The following SLC27A1 variants were observed in gnomAD, a reference collection of about 807,000 sequenced individuals.
SLC27A1 encodes long-chain fatty acid transport protein 1.
Under a neutral mutation model 62.2 loss-of-function variants are expected in SLC27A1, and 61 were observed. That is an observed-to-expected ratio of 0.98 (90% CI 0.80 to 1.21). SLC27A1 has a LOEUF of 1.21. Among genes scored for constraint, SLC27A1 ranks in the 50% most tolerant of loss-of-function variants. SLC27A1 has a pLI of 0.00. For synonymous variants in SLC27A1, 435 were observed against 408.6 expected, an observed-to-expected ratio of 1.06 and a Z score of -0.78; for missense variants, 903 against 932.1, an observed-to-expected ratio of 0.97 and a Z score of 0.41.
chr19:17,477,239 G>GTTT (rs1368216587), intron 1 of SLC27A1, among the ~76,000 whole-genome samples: 2 of 49,056 alleles, frequency 4.1e-5, no homozygotes, highest in African/African-American at 1.6e-4. Context: ...GATGAGCAGC[G>GTTT]CTTTTTTTTT....
At chr19:17,495,638 G>A (rs1345085112) in intron 6 of SLC27A1, 1 of 152,310 alleles carries the variant, frequency 6.6e-6, no homozygotes, top group Non-Finnish European at 1.5e-5. Flanking sequence ...GATTGGCCAG[G>A]TTCTCTCCTA....
chr19:17,469,658 GC>G (rs1477658988), upstream of SLC27A1, among the ~76,000 whole-genome samples: 3 of 152,262 alleles, frequency 2.0e-5, no homozygotes, highest in Non-Finnish European at 2.9e-5. Flanking sequence ...CTGGAAGACG[GC>G]CGGCCTCGGC....
At position 17,500,807 on chromosome 19, in the gene SLC27A1, G is replaced by C. The variant is rs770565930; in HGVS notation, c.1567G>C (p.Glu523Gln). Residue 523 changes from glutamate (E) to glutamine (Q), a missense_variant, in exon 10 of 12, where the codon GAG becomes CAG. Coordinates refer to ENST00000252595, the MANE Select transcript of SLC27A1 (RefSeq NM_198580.3). ...GCGAGGGGAGAACGTCTCCACCACC[G>C]AGGTGGAGGGCGTGCTGAGCCGCCT... is the stretch of plus-strand genomic sequence containing the variant. ...RWRGENVSTT[E>Q]VEGVLSRLLG... is the part of the protein sequence containing the mutation. 8 of 1,611,868 alleles carry C rather than the reference G, an allele frequency of 5.0e-6. No individual in the cohort carries two copies. In the East Asian group the frequency reaches 1.6e-4, roughly 31 times the overall value.
intron 1 of SLC27A1, among the ~76,000 whole-genome samples, chr19:17,471,685 G>T (rs189729735): frequency 6.6e-6 from 1 of 152,230 alleles, no homozygotes; most frequent in Non-Finnish European, 1.5e-5. Context: ...CCATTGTAAG[G>T]AGGGCACAGA....
In SLC27A1 at chr19:17,486,871, A is replaced by G; in HGVS notation, c.476A>G (p.Asn159Ser). The change falls in exon 2 of 12, where the codon AAC becomes AGC. Residue 159 changes from asparagine (N) to serine (S), a missense_variant. Physicochemically the swap from Asn to Ser is conservative, Grantham distance 46. Transcript: ENST00000252595. The surrounding 1 kb of genome is among the most constrained non-coding windows in gnomAD (Gnocchi z 6.6). ...AKAGMEAALL[N>S]VNLRREPLAF... is the part of the protein sequence containing the mutation. ...GCGGGCATGGAGGCCGCGCTGCTCA[A>G]CGTGAACCTGCGGCGCGAGCCCCTG... 6.3e-7 allele frequency: 1 copy of G among 1,587,272 alleles called. No homozygotes were observed. The highest frequency in any genetic ancestry group is 1.7e-4 in the Middle Eastern group (1 of 6,026).
upstream of SLC27A1, among the ~76,000 whole-genome samples, chr19:17,469,255 G>T (rs2075050247): frequency 6.6e-6 from 1 of 152,272 alleles, no homozygotes; most frequent in East Asian, 1.9e-4. Flanking sequence ...AGACCGCGGC[G>T]GTGTTTACAG....
chr19:17,483,111 A>C (rs1177035317), intron 1 of SLC27A1, among the ~76,000 whole-genome samples: 1 of 152,114 alleles, frequency 6.6e-6, no homozygotes, highest in Non-Finnish European at 1.5e-5. Context: ...TGAATGAGGG[A>C]ATGAGGGAAT....
Position 17,500,541 on chromosome 19 carries a change from G to C in SLC27A1, c.1380G>C (p.Leu460=). The C allele has an allele frequency of 6.2e-7, 1 of 1,613,528 alleles. No homozygotes were observed. The highest frequency in any genetic ancestry group is 8.5e-7 in the Non-Finnish European group (1 of 1,179,800). ...LVGQINQQDP[L]RRFDGYVSES... ...GTCAGATCAACCAACAGGACCCGCT[G>C]CGCCGCTTCGATGGCTATGTCAGCG... The change falls in exon 9 of 12, where the codon CTG becomes CTC. Residue 460 remains leucine, a synonymous_variant. Transcript: ENST00000252595.
chr19:17,504,537 C>T lies in SLC27A1; in HGVS notation c.1866C>T (p.Asp622=). 6.2e-7 allele frequency: 1 copy of T among 1,614,224 alleles called. No homozygotes were observed. The highest frequency in any genetic ancestry group is 8.5e-7 in the Non-Finnish European group (1 of 1,180,036). ...RQTSDRLFFL[D]LKQGHYLPLN... is the part of the protein sequence containing the mutation. ...CCTCAGACCGGCTCTTCTTCCTGGA[C>T]CTGAAGCAGGGCCACTACCTGCCCT... The change falls in exon 12 of 12, where the codon GAC becomes GAT. Residue 622 remains aspartate (D), a synonymous_variant. Coordinates refer to ENST00000252595, the MANE Select transcript of SLC27A1 (RefSeq NM_198580.3).
rs1173167516 is a variant in SLC27A1, at chr19:17,501,432, C to G, written c.1783+13C>G. On this transcript the variant is annotated intron_variant, in intron 11 of 11. Transcript: ENST00000252595. ...GTGGACACCACAGGTGCGAGTCTCCCCCACTCCAATCTCTCTCTTCATCCA... is the reference window on the plus strand; with the variant it reads ...GTGGACACCACAGGTGCGAGTCTCCGCCACTCCAATCTCTCTCTTCATCCA... 1 of 1,608,026 alleles carries G rather than the reference C, an allele frequency of 6.2e-7. No homozygotes were observed. The highest frequency in any genetic ancestry group is 8.5e-7 in the Non-Finnish European group (1 of 1,177,138).
intron 7 of SLC27A1, chr19:17,497,988 A>G (rs1223578436): frequency 5.8e-6 from 1 of 172,368 alleles, no homozygotes; most frequent in African/African-American, 2.4e-5. Flanking sequence ...TCTCTTAATC[A>G]TCTCCATTCT....
chr19:17,479,871 T>A (rs759875788), intron 1 of SLC27A1, among the ~76,000 whole-genome samples: 25 of 152,122 alleles, frequency 1.6e-4, no homozygotes, highest in Non-Finnish European at 2.8e-4. Context: ...CTCAAACTCC[T>A]GGCCTCAAGT....
chr19:17,485,897 T>C (rs1220825286), intron 1 of SLC27A1, among the ~76,000 whole-genome samples: 1 of 152,074 alleles, frequency 6.6e-6, no homozygotes, highest in Non-Finnish European at 1.5e-5. Context: ...CTCCACACAA[T>C]CATTCAGGAA....
At position 17,497,444 on chromosome 19, in the gene SLC27A1, A is replaced by G; in HGVS notation, c.1186A>G (p.Ile396Val). ...CGGCGCCACCGAGTGCAACTGCAGC[A>G]TTGCCAACATGGACGGCAAGGTGCA... is the stretch of plus-strand genomic sequence containing the variant. ...FYGATECNCS[I>V]ANMDGKVGSC... is the part of the protein sequence containing the mutation. The change falls in exon 7 of 12, where the codon ATT (isoleucine) becomes GTT (valine). Residue 396 changes from isoleucine (I) to valine (V), a missense_variant. Physicochemically the swap from Ile to Val is conservative, Grantham distance 29. Transcript: ENST00000252595. 6.2e-7 allele frequency: 1 copy of G among 1,608,538 alleles called. No homozygotes were observed. The highest frequency in any genetic ancestry group is 1.1e-5 in the South Asian group (1 of 90,110).
Position 17,501,261 on chromosome 19 carries a change from C to G in SLC27A1, c.1637-12C>G. On this transcript the variant is annotated splice_polypyrimidine_tract_variant and intron_variant, in intron 10 of 11. Coordinates refer to ENST00000252595, the MANE Select transcript of SLC27A1 (RefSeq NM_198580.3). ...AGAGGCGGGGTGTCCTCAGCTGAGCCTCTGCCTCCAGGAGTGGAGGGTAAG... is the reference window on the plus strand; with the variant it reads ...AGAGGCGGGGTGTCCTCAGCTGAGCGTCTGCCTCCAGGAGTGGAGGGTAAG... 1.2e-6 allele frequency: 2 copies of G among 1,612,218 alleles called. No homozygotes were observed. Among genetic ancestry groups the G allele is most frequent in the African/African-American group, 1.3e-5 (1 of 75,004 alleles).
Position 17,470,710 on chromosome 19 carries a change from G to A in SLC27A1, c.167+3G>A, listed in dbSNP as rs765453266. 4 of 1,579,844 alleles carry A rather than the reference G, an allele frequency of 2.5e-6. No homozygotes were observed. Among genetic ancestry groups the A allele is most frequent in the Non-Finnish European group, 3.4e-6 (4 of 1,169,238 alleles). On this transcript the variant is annotated splice_donor_region_variant and intron_variant, in intron 1 of 11. Coordinates refer to ENST00000252595, the MANE Select transcript of SLC27A1 (RefSeq NM_198580.3). ...AAGACCGCGAGGCGAGACCTCTTGT[G>A]AGTGTTGCCGGGATCCGTCCAGGGC... is the stretch of plus-strand genomic sequence containing the variant.
chr19:17,481,290 C>T (rs961751809), intron 1 of SLC27A1, among the ~76,000 whole-genome samples: 1 of 150,242 alleles, frequency 6.7e-6, no homozygotes, highest in African/African-American at 2.5e-5. Flanking sequence ...ATCCACGTTG[C>T]TCCAAAGCAC....
intron 1 of SLC27A1, among the ~76,000 whole-genome samples, chr19:17,483,672 C>T (rs772986246): frequency 6.6e-6 from 1 of 152,078 alleles, no homozygotes; most frequent in Non-Finnish European, 1.5e-5. Flanking sequence ...TCATTGTGAA[C>T]CCCTCCTGGG....
Position 17,504,789 on chromosome 19 carries a change from C to G in SLC27A1, c.*177C>G, listed in dbSNP as rs1268963318. 1 of 797,700 alleles carries G rather than the reference C, an allele frequency of 1.3e-6. No individual in the cohort carries two copies. The highest frequency in any genetic ancestry group is 2.0e-5 in the Admixed American group (1 of 50,056). The allele number at this position is 797,700 out of a possible 1,614,324, so 49.4% of individuals were successfully genotyped here. A position where few individuals can be genotyped will look rare whatever the true frequency, so the allele number is the denominator to read the frequency against. Reference sequence around the variant, plus strand: ...AGAGGAACCCGTGCCTCTCTGCTGCCTTGGTGCCCCTGTGTCTGCCTCCTC... The same window carrying G: ...AGAGGAACCCGTGCCTCTCTGCTGCGTTGGTGCCCCTGTGTCTGCCTCCTC... On this transcript the variant is annotated 3_prime_UTR_variant, in exon 12 of 12. Transcript: ENST00000252595.
Sources: allele counts gnomAD v4.1 joint callset (sites outside exome capture counted in the v4.1 genomes callset), GRCh38; gene constraint gnomAD v4.1.1; non-coding constraint Gnocchi (gnomAD v3.1); transcripts MANE v1.5; gene names NCBI Gene and HGNC (gene_info 2026-07-23, HGNC 2026-07-21).